Variants in PACS1 observed in about 807,000 individuals in gnomAD.
The protein encoded by PACS1 is phosphofurin acidic cluster sorting protein 1, also known as PACS-1.
A neutral mutation model predicts 115.0 loss-of-function variants in PACS1; 24 were observed. The ratio of observed to expected loss-of-function variants is 0.21; its 90% CI spans 0.15 to 0.29. The LOEUF (loss-of-function observed/expected upper bound fraction) is 0.29, where lower values mean the gene tolerates loss of function less well. Ranked by LOEUF, PACS1 falls within the 10% of genes least tolerant of loss-of-function variation. The probability of loss-of-function intolerance (pLI) is 1.00; values close to 1 mark genes in which losing one functional copy is unlikely to be tolerated. For synonymous variants in PACS1, 453 were observed against 504.5 expected (o/e 0.90, Z 1.37); for missense variants, 838 against 1,251.2 (o/e 0.67, Z 4.98).
intron 1 of PACS1, among the ~76,000 whole-genome samples, chr11:66,136,254 A>G (rs1249021653): frequency 6.9e-6 from 1 of 145,464 alleles, no homozygotes; most frequent in Non-Finnish European, 1.5e-5. Flanking sequence ...GGACTGCCCA[A>G]TCCCGCTAAC....
At chr11:66,137,017 A>G (rs968653436) in intron 1 of PACS1, among the ~76,000 whole-genome samples, 3 of 123,534 alleles carry the variant, frequency 2.4e-5, no homozygotes, top group Admixed American at 1.8e-4. Flanking sequence ...TATGAGTCAC[A>G]AATTGCCCCC....
At chr11:66,097,157 C>G (rs762357178) in intron 1 of PACS1, among the ~76,000 whole-genome samples, 10 of 152,144 alleles carry the variant, frequency 6.6e-5, no homozygotes, top group Non-Finnish European at 1.3e-4. Flanking sequence ...GAAGTGGCCC[C>G]CATGATAAAT....
At chr11:66,188,999 A>C (rs1854454557) in intron 1 of PACS1, among the ~76,000 whole-genome samples, 1 of 152,112 alleles carries the variant, frequency 6.6e-6, no homozygotes, top group Non-Finnish European at 1.5e-5. Flanking sequence ...ACTACTTCCT[A>C]TGTGACCTGG....
intron 1 of PACS1, among the ~76,000 whole-genome samples, chr11:66,146,972 G>T (rs1229420207): frequency 2.0e-5 from 3 of 152,170 alleles, no homozygotes; most frequent in African/African-American, 7.2e-5. Flanking sequence ...CAGGAGAATC[G>T]CTTGAACCTG....
Position 66,070,590 on chromosome 11 carries a change from A to C in PACS1, c.104A>C (p.Gln35Pro), listed in dbSNP as rs369233658. The stretch of plus-strand genomic sequence containing the variant: ...CAGTCCCCTCAGCAGCCGCCGCCGC[A>C]GCAGCAGCAGCAGCAGCCGCCGCAG... ...VAQSPQQPPP[Q>P]QQQQQPPQQP... The change falls in exon 1 of 24, where the codon CAG becomes CCG. Residue 35 changes from glutamine (Q) to proline (P), a missense_variant. Coordinates refer to ENST00000320580, the MANE Select transcript of PACS1 (RefSeq NM_018026.4). The surrounding 1 kb of genome is among the most constrained non-coding windows in gnomAD (Gnocchi z 5.9). 2.7e-4 allele frequency: 380 copies of C among 1,397,126 alleles called. 2 individuals are homozygous for C. Among genetic ancestry groups the C allele is most frequent in the South Asian group, 1.6e-3 (116 of 71,744 alleles). The allele number at this position is 1,397,126 out of a possible 1,614,324, so 86.5% of individuals were successfully genotyped here.
chr11:66,216,955 A>T, intron 7 of PACS1, 180 bp downstream of exon 7: 2 of 593,228 alleles, frequency 3.4e-6, no homozygotes, highest in South Asian at 4.0e-5. Flanking sequence ...GTTGTTGGGA[A>T]CCACAATTAC....
At chr11:66,136,323 TCACACACACA>T (rs61577143) in intron 1 of PACS1, among the ~76,000 whole-genome samples, 9 of 145,910 alleles carry the variant, frequency 6.2e-5, no homozygotes, top group South Asian at 2.2e-4. Flanking sequence ...AATCCCACTG[TCACACACACA>T]CACACACACA....
Position 66,235,759 on chromosome 11 carries a change from C to A in PACS1, c.2208-139C>A. 1.3e-6 allele frequency: 1 copy of A among 790,384 alleles called. No homozygotes were observed. The highest frequency in any genetic ancestry group is 2.3e-6 in the Non-Finnish European group (1 of 438,554). 49.0% of individuals were successfully genotyped at this position (790,384 alleles called of 1,614,324 possible). A position where few individuals can be genotyped will look rare whatever the true frequency, so the allele number is the denominator to read the frequency against. On this transcript the variant is annotated intron_variant, in intron 18 of 23. Coordinates refer to ENST00000320580, the MANE Select transcript of PACS1 (RefSeq NM_018026.4). This position sits in a 1 kb window ranked among gnomAD's most constrained non-coding sequence, Gnocchi z 5.6. ...AGCAAGTCCCAGACCTTCCCCATGC[C>A]ACCCCAGGATGTGATGGGCAGAGGC...
At chr11:66,076,345 T>C (rs1457147710) in intron 1 of PACS1, among the ~76,000 whole-genome samples, 3 of 152,120 alleles carry the variant, frequency 2.0e-5, no homozygotes, top group African/African-American at 4.8e-5. Flanking sequence ...CCTCAGAAAA[T>C]GTTAGAGCTG....
At chr11:66,188,159 A>ATTTTTTTTTTTTTTTTTTTTTCTTT (rs71461607) in intron 1 of PACS1, among the ~76,000 whole-genome samples, 1 of 94,892 alleles carries the variant, frequency 1.1e-5, no homozygotes, top group African/African-American at 3.9e-5. Flanking sequence ...TTTTAATCGG[A>ATTTTTTTTTTTTTTTTTTTTTCTTT]TTTTTTTTTT....
intron 1 of PACS1, among the ~76,000 whole-genome samples, chr11:66,137,784 G>A (rs945093235): frequency 5.3e-5 from 8 of 152,222 alleles, no homozygotes; most frequent in African/African-American, 1.9e-4. Flanking sequence ...GTTAAAAAGT[G>A]CTTAGGGTTT....
At chr11:66,171,611 G>A (rs921745905) in intron 1 of PACS1, among the ~76,000 whole-genome samples, 1 of 148,864 alleles carries the variant, frequency 6.7e-6, no homozygotes, top group African/African-American at 2.6e-5. Context: ...ACGGAGTCTC[G>A]CTCTGTCGCC....
intron 1 of PACS1, among the ~76,000 whole-genome samples, chr11:66,107,204 C>T (rs1304156699): frequency 6.6e-6 from 1 of 152,170 alleles, no homozygotes; most frequent in African/African-American, 2.4e-5. Flanking sequence ...CTTGCAGCCA[C>T]GCAGGCTTCT....
intron 2 of PACS1, among the ~76,000 whole-genome samples, chr11:66,197,170 T>C (rs1854669180): frequency 3.9e-5 from 6 of 152,184 alleles, no homozygotes; most frequent in Admixed American, 3.3e-4. Context: ...TAAAATACTT[T>C]TAAATGTATC....
In PACS1 at chr11:66,216,711, A is replaced by T; in HGVS notation, c.914A>T (p.Asp305Val). The T allele has an allele frequency of 6.2e-7, 1 of 1,613,948 alleles. No individual in the cohort carries two copies. Among genetic ancestry groups the T allele is most frequent in the Middle Eastern group, 1.6e-4 (1 of 6,062 alleles). Residue 305 changes from aspartate to valine, a missense_variant, in exon 7 of 24, where the codon GAC becomes GTC. Around this residue, in one of 6 missense-constraint regions of PACS1, gnomAD observed 223 missense variants for 354.0 expected, o/e 0.63. Transcript: ENST00000320580. ...PLHGQDLFYE[D>V]EDLRKVKKTR... ...CCCACTTAGGACTTGTTCTACGAAGACGAAGATCTCCGGAAAGTGAAGAAG... is the reference window on the plus strand; with the variant it reads ...CCCACTTAGGACTTGTTCTACGAAGTCGAAGATCTCCGGAAAGTGAAGAAG...
chr11:66,218,859 TA>T (rs142576194), intron 7 of PACS1, among the ~76,000 whole-genome samples: 33,092 of 129,128 alleles, frequency 0.26, 4,218 homozygotes, highest in South Asian at 0.49. Context: ...ACTCCATCTC[TA>T]AAAAAAAAAA....
intron 1 of PACS1, among the ~76,000 whole-genome samples, chr11:66,097,464 T>C (rs992454047): frequency 4.6e-5 from 7 of 152,126 alleles, no homozygotes; most frequent in Non-Finnish European, 1.0e-4. Context: ...CACAAGGAAT[T>C]GAGTGTTGCC....
intron 1 of PACS1, among the ~76,000 whole-genome samples, chr11:66,141,953 C>T (rs929401198): frequency 1.3e-5 from 2 of 151,864 alleles, no homozygotes; most frequent in African/African-American, 4.8e-5. Flanking sequence ...TTATAGGCGC[C>T]CACCACCACA....
At chr11:66,152,416 T>C (rs1468688670) in intron 1 of PACS1, among the ~76,000 whole-genome samples, 2 of 152,088 alleles carry the variant, frequency 1.3e-5, no homozygotes, top group African/African-American at 2.4e-5. Context: ...ATAAGTGTAC[T>C]TGGAGTCTTA....
Sources: allele counts gnomAD v4.1 joint callset (sites outside exome capture counted in the v4.1 genomes callset), GRCh38; gene constraint gnomAD v4.1.1; regional missense constraint gnomAD v4.1.1; non-coding constraint Gnocchi (gnomAD v3.1); transcripts MANE v1.5; gene names NCBI Gene and HGNC (gene_info 2026-07-23, HGNC 2026-07-21).